Variants in GYS1 observed in about 807,000 individuals in gnomAD.
The protein encoded by GYS1 is glycogen synthase 1, also known as glycogen [starch] synthase, muscle.
In GYS1, 60 loss-of-function variants were observed where a neutral mutation model predicts 89.1. The observed-to-expected ratio is 0.67, with a 90% CI of 0.55 to 0.84. The LOEUF is 0.84. GYS1 is among the 40% of genes least tolerant of loss of function. The pLI is 0.00. For synonymous variants in GYS1, 366 were observed against 401.7 expected (o/e 0.91, Z 1.06); for missense variants, 888 against 1,003.1 (o/e 0.89, Z 1.55).
intron 2 of GYS1, among the ~76,000 whole-genome samples, chr19:48,990,859 A>G (rs2038914873): frequency 6.6e-6 from 1 of 152,160 alleles, no homozygotes; most frequent in African/African-American, 2.4e-5. Flanking sequence ...CAGTGGCCCA[A>G]TCGCAGCTCA....
intron 8 of GYS1, among the ~76,000 whole-genome samples, chr19:48,978,636 A>G (rs748497888): frequency 1.3e-5 from 2 of 151,246 alleles, no homozygotes; most frequent in Non-Finnish European, 2.9e-5. Context: ...GGTTCAAGCA[A>G]TTCTCCTGCC....
intron 1 of GYS1, among the ~76,000 whole-genome samples, chr19:48,992,573 C>T (rs920763962): frequency 2.2e-5 from 3 of 133,572 alleles, no homozygotes; most frequent in African/African-American, 9.0e-5. Flanking sequence ...TCCTATCTCC[C>T]AGTCAGCTCT....
chr19:48,978,294 C>G, intron 8 of GYS1, 137 bp from the exon 9 acceptor site: 5 of 748,982 alleles, frequency 6.7e-6, no homozygotes, highest in Admixed American at 2.0e-5. Flanking sequence ...GGCGTGATCT[C>G]GGCTCACTGC....
rs909940871 is a variant in GYS1 at position 48,971,137 on chromosome 19, T to C, written c.1550-114A>G. 6 of 771,684 alleles carry C rather than the reference T, an allele frequency of 7.8e-6. No individual in the cohort carries two copies. In the East Asian group the frequency reaches 1.5e-4, roughly 20 times the overall value. 47.8% of individuals were successfully genotyped at this position (771,684 alleles called of 1,614,324 possible). A position where few individuals can be genotyped will look rare whatever the true frequency, so the allele number is the denominator to read the frequency against. On this transcript the variant is annotated intron_variant, in intron 12 of 15. Transcript: ENST00000323798. ...GGCGCCTGTACCAAGTGCCAGGCGC[T>C]GTGCGGAGCGTCGCTGAGCCCCCAC... is the stretch of plus-strand genomic sequence containing the variant.
In GYS1 at chr19:48,982,342, G is replaced by T; in HGVS notation, c.975C>A (p.Tyr325Ter). ...HLDFNLDKTL[Y>*]FFIAGRYEFS... ...ACTCATAGCGGCCGGCGATAAAGAAGTATAAGGTCTTGTCCAAGTTGAAGT... is the reference window on the plus strand; with the variant it reads ...ACTCATAGCGGCCGGCGATAAAGAATTATAAGGTCTTGTCCAAGTTGAAGT... The change falls in exon 7 of 16, where the codon TAC becomes TAA. Residue 325 changes from tyrosine to a stop codon, truncating the protein, a stop_gained. Transcript: ENST00000323798. LOFTEE classifies it high-confidence loss of function. The T allele has an allele frequency of 6.2e-7, 1 of 1,613,922 alleles. No individual in the cohort carries two copies. The highest frequency in any genetic ancestry group is 1.3e-5 in the African/African-American group (1 of 75,008).
In GYS1 at chr19:48,993,090, G is replaced by A; in HGVS notation, c.23C>T (p.Ser8Phe). Reference sequence around the variant, plus strand: ...CTCCAGTCCTGGCAGTGAGGACATGGACAAAGTGCGGTTTAAAGGCATGGC... The same window carrying A: ...CTCCAGTCCTGGCAGTGAGGACATGAACAAAGTGCGGTTTAAAGGCATGGC... MPLNRTL[S>F]MSSLPGLEDW... Residue 8 changes from serine (S) to phenylalanine (F), a missense_variant, in exon 1 of 16, where the codon TCC becomes TTC. Ser to Phe is a radical substitution (Grantham distance 155, BLOSUM62 -2). Transcript: ENST00000323798. The A allele has an allele frequency of 6.2e-7, 1 of 1,610,620 alleles. No individual in the cohort carries two copies. Among genetic ancestry groups the A allele is most frequent in the Non-Finnish European group, 8.5e-7 (1 of 1,176,878 alleles).
chr19:48,969,984 C>A, intron 14 of GYS1, 129 bp from the exon 15 acceptor site: 1 of 681,312 alleles, frequency 1.5e-6, no homozygotes, highest in Non-Finnish European at 2.7e-6. Flanking sequence ...AATAATCCAT[C>A]TATCTGACTC....
At position 48,968,330 on chromosome 19, in the gene GYS1, A is replaced by G. The variant is rs2038492600; in HGVS notation, c.*958T>C. The G allele has an allele frequency of 4.4e-6, 2 of 454,260 alleles. No individual in the cohort carries two copies. The highest frequency in any genetic ancestry group is 8.8e-6 in the Non-Finnish European group (2 of 226,786). 28.1% of individuals were successfully genotyped at this position (454,260 alleles called of 1,614,324 possible). On this transcript the variant is annotated 3_prime_UTR_variant, in exon 16 of 16. Coordinates refer to ENST00000323798, the MANE Select transcript of GYS1 (RefSeq NM_002103.5). ...TCGAGGTAAATGTGGGGGTTCTAGA[A>G]CCCAGTGACCTCAGTTCTGGATCAT... is the stretch of plus-strand genomic sequence containing the variant.
intron 8 of GYS1, among the ~76,000 whole-genome samples, chr19:48,979,703 T>C (rs965976209): frequency 4.8e-4 from 70 of 145,562 alleles, no homozygotes; most frequent in African/African-American, 1.7e-3. Flanking sequence ...CTGGAGTGCA[T>C]TGGCGCGATC....
In GYS1 at chr19:48,981,703, C is replaced by T. The variant is rs556212350; in HGVS notation, c.1063-67G>A. Reference sequence around the variant, plus strand: ...GGAAGCCTGGAACCAGCCAGCCTTTCTGTCAAGACCACTGGGATCCTGCCA... The same window carrying T: ...GGAAGCCTGGAACCAGCCAGCCTTTTTGTCAAGACCACTGGGATCCTGCCA... On this transcript the variant is annotated intron_variant, in intron 7 of 15. Coordinates refer to ENST00000323798, the MANE Select transcript of GYS1 (RefSeq NM_002103.5). 1.2e-5 allele frequency: 12 copies of T among 973,090 alleles called. No homozygotes were observed. In the African/African-American group the frequency reaches 1.9e-4, roughly 15 times the overall value. 60.3% of individuals were successfully genotyped at this position (973,090 alleles called of 1,614,324 possible). A position where few individuals can be genotyped will look rare whatever the true frequency, so the allele number is the denominator to read the frequency against.
intron 5 of GYS1, among the ~76,000 whole-genome samples, chr19:48,984,393 A>G (rs1281444290): frequency 2.5e-5 from 2 of 79,386 alleles, no homozygotes; most frequent in African/African-American, 1.1e-4. Flanking sequence ...GATATTCAAC[A>G]CTTTTTTTTT....
chr19:48,974,805 C>A, intron 10 of GYS1, 72 bp from the exon 11 acceptor site: 2 of 1,086,526 alleles, frequency 1.8e-6, no homozygotes, highest in Non-Finnish European at 2.8e-6. Flanking sequence ...ATGAGCCATG[C>A]GGACCCTGGG....
At chr19:48,984,603 C>T (rs2038813080) in intron 5 of GYS1, among the ~76,000 whole-genome samples, 5 of 152,026 alleles carry the variant, frequency 3.3e-5, no homozygotes, top group Admixed American at 3.3e-4. Flanking sequence ...GCCATGTTGG[C>T]CAGGCTGGTC....
Position 48,970,995 on chromosome 19 carries a change from A to T in GYS1, c.1578T>A (p.Ser526Arg). ...CGAAGCCGGAGAGATTGGTGGAGAT[A>T]CTGGGGATTCCCATAACCGTGCACT... ...PAECTVMGIP[S>R]ISTNLSGFGC... The change falls in exon 13 of 16, where the codon AGT becomes AGA. Residue 526 changes from serine (S) to arginine (R), a missense_variant. Transcript: ENST00000323798. 1 of 1,613,978 alleles carries T rather than the reference A, an allele frequency of 6.2e-7. No homozygotes were observed. Among genetic ancestry groups the T allele is most frequent in the South Asian group, 1.1e-5 (1 of 91,080 alleles).
In GYS1 at chr19:48,987,388, G is replaced by C; in HGVS notation, c.301-3C>G. ...ATCAGCCAGCGCCCGAAATACACCT[G>C]GGATGGGGTTGGGGAGGCACCATAG... On this transcript the variant is annotated splice_polypyrimidine_tract_variant and splice_region_variant and intron_variant, in intron 2 of 15. Transcript: ENST00000323798. 1 of 1,591,806 alleles carries C rather than the reference G, an allele frequency of 6.3e-7. No individual in the cohort carries two copies. The highest frequency in any genetic ancestry group is 8.6e-7 in the Non-Finnish European group (1 of 1,168,096).
chr19:48,992,075 C>G (rs1413482504), intron 1 of GYS1, among the ~76,000 whole-genome samples: 4 of 152,122 alleles, frequency 2.6e-5, no homozygotes, highest in African/African-American at 4.8e-5. Context: ...TCCCATGACC[C>G]TATCCCAGAC....
rs2122540003 is a variant in GYS1 at position 48,991,248 on chromosome 19, A to C, written c.300+54T>G. On this transcript the variant is annotated intron_variant, in intron 2 of 15. Transcript: ENST00000323798. This position sits in a 1 kb window ranked among gnomAD's most constrained non-coding sequence, Gnocchi z 4.7. ...TGCACCCTCTCCGTCTGTGGCTCCC[A>C]CCCCGATGGCAGGCTGTCCACCCGC... The C allele has an allele frequency of 3.2e-6, 5 of 1,581,728 alleles. No homozygotes were observed.
Position 48,993,155 on chromosome 19 carries a change from A to AC in GYS1, c.-44dup. 5.4e-6 allele frequency: 6 copies of AC among 1,102,264 alleles called. No individual in the cohort carries two copies. Among genetic ancestry groups the AC allele is most frequent in the African/African-American group, 3.1e-5 (2 of 65,196 alleles). 68.3% of individuals were successfully genotyped at this position (1,102,264 alleles called of 1,614,324 possible). On this transcript the variant is annotated 5_prime_UTR_variant, in exon 1 of 16. Transcript: ENST00000323798. ...GGGCTCCGGGGATCTCCAGGTAGGG[A>AC]CCCCGGAGGTGTCTAGGGAATGCAC...
chr19:48,973,132 G>A (rs1467429242), intron 12 of GYS1, among the ~76,000 whole-genome samples: 1 of 152,252 alleles, frequency 6.6e-6, no homozygotes, highest in African/African-American at 2.4e-5. Flanking sequence ...ATGATAGTGA[G>A]TGAATTCTCA....
Sources: gnomAD v4.1 joint callset for allele counts (sites outside exome capture counted in the v4.1 genomes callset) on GRCh38, gnomAD v4.1.1 for gene constraint, Gnocchi (gnomAD v3.1) non-coding constraint, MANE v1.5 for transcripts, NCBI Gene and HGNC (gene_info 2026-07-23, HGNC 2026-07-21) for gene names.